Variants in AKT3 observed in about 807,000 individuals in gnomAD.
AKT3 encodes RAC-gamma serine/threonine-protein kinase.
AKT3 carries 15 observed loss-of-function variants against 65.3 expected under a neutral mutation model. That is an observed-to-expected ratio of 0.23 (90% confidence interval 0.15 to 0.35). The LOEUF (loss-of-function observed/expected upper bound fraction) is 0.35, where lower values mean the gene tolerates loss of function less well. Ranked by LOEUF, AKT3 falls within the 10% of genes least tolerant of loss-of-function variation. The pLI is 1.00. For synonymous variants in AKT3, 206 were observed against 183.8 expected (o/e 1.12, Z -0.98); for missense variants, 243 against 576.5 (o/e 0.42, Z 5.92).
chr1:243,561,345 T>C (rs1456651428), intron 10 of AKT3, among the ~76,000 whole-genome samples: 1 of 152,152 alleles, frequency 6.6e-6, no homozygotes, highest in Non-Finnish European at 1.5e-5. Flanking sequence ...AGCATTCATT[T>C]AAAAATTACG....
chr1:243,832,488 G>A (rs1040851099), intron 2 of AKT3, among the ~76,000 whole-genome samples: 7 of 152,070 alleles, frequency 4.6e-5, no homozygotes, highest in Non-Finnish European at 7.3e-5. Flanking sequence ...ACTTGTATCA[G>A]ACTAACCCTT....
intron 2 of AKT3, among the ~76,000 whole-genome samples, chr1:243,795,620 C>T (rs1340703000): frequency 2.0e-5 from 3 of 150,228 alleles, no homozygotes; most frequent in East Asian, 3.9e-4. Flanking sequence ...TACAGGCGCC[C>T]GCCACTACGC....
downstream of AKT3, among the ~76,000 whole-genome samples, chr1:243,496,007 AAAAG>A (rs1371616345): frequency 1.3e-5 from 2 of 152,336 alleles, no homozygotes; most frequent in South Asian, 2.1e-4. Flanking sequence ...CTGGCAGAGA[AAAAG>A]AAAGAACCAG....
In AKT3 at chr1:243,693,241, T is replaced by TATA. The variant is rs1421255607; in HGVS notation, c.172+2349_172+2350insTAT. ...TATATATCCCTTTGGTAGCTACAAT[T>TATA]TGATATATATATATATATATATATA... On this transcript the variant is annotated intron_variant, in intron 3 of 13. Transcript: ENST00000673466. Among the ~76,000 whole-genome samples the TATA allele has an allele frequency of 9.1e-4, 35 of 38,260 alleles. 2 individuals are homozygous for TATA. Among genetic ancestry groups the TATA allele is most frequent in the Non-Finnish European group, 1.2e-3 (24 of 19,224 alleles). The allele number at this position is 38,260 out of a possible 152,430, so 25.1% of individuals were successfully genotyped here.
chr1:243,768,527 TGC>T (rs1338899631), intron 2 of AKT3, among the ~76,000 whole-genome samples: 5 of 152,086 alleles, frequency 3.3e-5, no homozygotes, highest in African/African-American at 1.2e-4. Context: ...TTTAGTTAGG[TGC>T]CACAACTTTT....
In AKT3 at chr1:243,795,450, TTTTTTTTTTTTGTTTTTTTTTTTTGG is replaced by T. The variant is rs1252241306; in HGVS notation, c.46+47649_46+47674del. ...GCGTAGGTTTCCCTTGATCTCCTTG[TTTTTTTTTTTTGTTTTTTTTTTTTGG>T]TTTTTTTTTTTTTGAGACGGAGTCT... is the stretch of plus-strand genomic sequence containing the variant. On this transcript the variant is annotated intron_variant, in intron 2 of 13. Coordinates refer to ENST00000673466, the MANE Select transcript of AKT3 (RefSeq NM_005465.7). Among the ~76,000 whole-genome samples the T allele has an allele frequency of 3.3e-3, 366 of 109,980 alleles. 3 individuals are homozygous for T. Among genetic ancestry groups the T allele is most frequent in the Admixed American group, 0.012 (136 of 10,892 alleles). The allele number at this position is 109,980 out of a possible 152,430, so 72.2% of individuals were successfully genotyped here. A position where few individuals can be genotyped will look rare whatever the true frequency, so the allele number is the denominator to read the frequency against.
chr1:243,594,133 C>A (rs1676433853), intron 8 of AKT3, among the ~76,000 whole-genome samples: 1 of 151,956 alleles, frequency 6.6e-6, no homozygotes. Flanking sequence ...ATATAAAAAC[C>A]AACTATATTC....
intron 3 of AKT3, among the ~76,000 whole-genome samples, chr1:243,691,250 T>C (rs959273807): frequency 6.6e-6 from 1 of 152,162 alleles, no homozygotes; most frequent in East Asian, 1.9e-4. Context: ...CAGTTCAGTA[T>C]TGCTGATACA....
At chr1:243,533,129 C>T (rs1671659422) in intron 12 of AKT3, among the ~76,000 whole-genome samples, 1 of 152,066 alleles carries the variant, frequency 6.6e-6, no homozygotes, top group African/African-American at 2.4e-5. Context: ...TATTGCTTTT[C>T]AATTATCGAT....
intron 2 of AKT3, among the ~76,000 whole-genome samples, chr1:243,737,550 G>C (rs1219851418): frequency 1.3e-5 from 2 of 151,992 alleles, no homozygotes; most frequent in East Asian, 3.9e-4. Flanking sequence ...GAAAGCAAAA[G>C]AAAAAGTGAG....
At chr1:243,682,981 C>A (rs1684027619) in intron 3 of AKT3, among the ~76,000 whole-genome samples, 1 of 152,098 alleles carries the variant, frequency 6.6e-6, no homozygotes, top group Non-Finnish European at 1.5e-5. Context: ...ATACCAATCC[C>A]AAGGGTCTGT....
intron 2 of AKT3, among the ~76,000 whole-genome samples, chr1:243,816,914 T>C (rs896528715): frequency 6.6e-6 from 1 of 152,186 alleles, no homozygotes; most frequent in African/African-American, 2.4e-5. Flanking sequence ...TGGACTCCAT[T>C]TCCCCTCCTC....
intron 2 of AKT3, among the ~76,000 whole-genome samples, chr1:243,730,286 G>A (rs59723631): frequency 0.048 from 7,315 of 152,226 alleles, 574 homozygotes; most frequent in African/African-American, 0.16. Flanking sequence ...GGAGCTGCCC[G>A]CTTTGGGTCT....
chr1:243,617,640 A>G (rs368241942), intron 6 of AKT3, among the ~76,000 whole-genome samples: 6 of 152,262 alleles, frequency 3.9e-5, no homozygotes, highest in African/African-American at 1.4e-4. Context: ...GGGAGAACCA[A>G]TGCTATTGGT....
At chr1:243,653,869 GCTTA>G (rs1681562547) in intron 4 of AKT3, among the ~76,000 whole-genome samples, 2 of 152,100 alleles carry the variant, frequency 1.3e-5, no homozygotes, top group African/African-American at 4.8e-5. Context: ...TTCTTCTTAT[GCTTA>G]CTGTTTCCAT....
intron 8 of AKT3, among the ~76,000 whole-genome samples, chr1:243,600,420 G>T (rs377486215): frequency 2.0e-5 from 3 of 152,264 alleles, no homozygotes; most frequent in South Asian, 4.1e-4. Flanking sequence ...TCTAAAGTAA[G>T]TGTGTGGCAT....
rs1692271201 is a variant in AKT3 at position 243,799,871 on chromosome 1, G to A, written c.46+43254C>T. 2.0e-5 allele frequency among the ~76,000 whole-genome samples: 3 copies of A among 152,254 alleles called. No homozygotes were observed. In the South Asian group the frequency reaches 6.2e-4, roughly 32 times the overall value. On this transcript the variant is annotated intron_variant, in intron 2 of 13. Transcript: ENST00000673466. ...TCAAAGGAAAACTATCTAGCACTTTGGGGCACTTATTAAATAGTGAAAAGA... is the reference window on the plus strand; with the variant it reads ...TCAAAGGAAAACTATCTAGCACTTTAGGGCACTTATTAAATAGTGAAAAGA...
chr1:243,641,834 G>C (rs947473967), intron 5 of AKT3, among the ~76,000 whole-genome samples: 1 of 152,120 alleles, frequency 6.6e-6, no homozygotes, highest in Admixed American at 6.5e-5. Flanking sequence ...TACCTGGGAG[G>C]CTGAGTTGGG....
intron 3 of AKT3, among the ~76,000 whole-genome samples, chr1:243,690,426 C>G (rs954765751): frequency 1.3e-5 from 2 of 152,166 alleles, no homozygotes. Flanking sequence ...GTGCATGTTT[C>G]TTGTATATAT....
Sources: allele counts gnomAD v4.1 joint callset (sites outside exome capture counted in the v4.1 genomes callset), GRCh38; gene constraint gnomAD v4.1.1; transcripts MANE v1.5; gene names NCBI Gene and HGNC (gene_info 2026-07-23, HGNC 2026-07-21).